Variants in ENOX1 observed in about 807,000 individuals in gnomAD.
The protein encoded by ENOX1 is candidate growth-related and time keeping constitutive hydroquinone (NADH) oxidase.
A neutral mutation model predicts 82.5 loss-of-function variants in ENOX1; 42 were observed. The ratio of observed to expected loss-of-function variants is 0.51; its 90% CI spans 0.40 to 0.66. The LOEUF (loss-of-function observed/expected upper bound fraction) is 0.66, where lower values mean the gene tolerates loss of function less well. ENOX1 is among the 30% of genes least tolerant of loss of function. The probability of loss-of-function intolerance (pLI) is 0.00; values close to 1 mark genes in which losing one functional copy is unlikely to be tolerated. For synonymous variants in ENOX1, 271 were observed against 282.2 expected (o/e 0.96, Z 0.40); for missense variants, 608 against 811.6 (o/e 0.75, Z 3.05).
At chr13:43,785,797 A>G (rs1478818291) in intron 1 of ENOX1, among the ~76,000 whole-genome samples, 3 of 152,098 alleles carry the variant, frequency 2.0e-5, no homozygotes, top group Admixed American at 2.0e-4. Flanking sequence ...CCTTCAGCCA[A>G]TCAGGACCCG....
intron 11 of ENOX1, among the ~76,000 whole-genome samples, chr13:43,311,671 A>T (rs1218565221): frequency 6.6e-6 from 1 of 152,206 alleles, no homozygotes. Flanking sequence ...CAGAGGAGAG[A>T]AGCAACCCTT....
intron 1 of ENOX1, among the ~76,000 whole-genome samples, chr13:43,694,019 T>A (rs188284934): frequency 6.6e-6 from 1 of 152,310 alleles, no homozygotes. Flanking sequence ...TATAGTGACC[T>A]TTTAATGTTT....
chr13:43,600,589 G>C (rs1338516016), intron 2 of ENOX1, among the ~76,000 whole-genome samples: 1 of 152,122 alleles, frequency 6.6e-6, no homozygotes, highest in Non-Finnish European at 1.5e-5. Flanking sequence ...CTCTAACCTG[G>C]GGGGGATCTT....
chr13:43,531,720 T>C (rs1180466629), intron 2 of ENOX1, among the ~76,000 whole-genome samples: 4 of 147,488 alleles, frequency 2.7e-5, no homozygotes, highest in Admixed American at 6.8e-5. Context: ...GTGGCACATA[T>C]ACACCATGGA....
At chr13:43,416,600 A>G (rs1344492752) in intron 3 of ENOX1, among the ~76,000 whole-genome samples, 6 of 146,216 alleles carry the variant, frequency 4.1e-5, no homozygotes, top group African/African-American at 7.8e-5. Flanking sequence ...GGCGCTCCTC[A>G]CTTCCTAGAC....
intron 1 of ENOX1, among the ~76,000 whole-genome samples, chr13:43,738,814 C>T (rs1182611571): frequency 2.0e-5 from 3 of 152,122 alleles, no homozygotes; most frequent in Admixed American, 2.0e-4. Flanking sequence ...GCACTCATCC[C>T]AATTAAAACT....
In ENOX1 at chr13:43,236,742, T is replaced by G. The variant is rs1037608097; in HGVS notation, c.1612-4A>C. 1 of 1,559,524 alleles carries G rather than the reference T, an allele frequency of 6.4e-7. No homozygotes were observed. On this transcript the variant is annotated splice_region_variant and splice_polypyrimidine_tract_variant and intron_variant, in intron 14 of 16. Coordinates refer to ENST00000690772, the MANE Select transcript of ENOX1 (RefSeq NM_001347969.2). ...CAACTGTCAACACATTGATTTCCTA[T>G]AAAGTTAAAAGCCAAAAACCATATA...
chr13:43,260,621 G>A (rs748513445), intron 14 of ENOX1, among the ~76,000 whole-genome samples: 73 of 152,120 alleles, frequency 4.8e-4, no homozygotes, highest in Non-Finnish European at 7.5e-4. Context: ...CATAGGTGGC[G>A]ATCCTGCTGG....
intron 1 of ENOX1, among the ~76,000 whole-genome samples, chr13:43,693,049 T>C (rs995839089): frequency 3.3e-5 from 5 of 152,114 alleles, no homozygotes; most frequent in Non-Finnish European, 7.4e-5. Flanking sequence ...AAAACTATAT[T>C]TGAAAACAAT....
chr13:43,744,481 G>A (rs1185691016), intron 1 of ENOX1, among the ~76,000 whole-genome samples: 1 of 152,110 alleles, frequency 6.6e-6, no homozygotes, highest in Non-Finnish European at 1.5e-5. Context: ...CTTTCCTCAG[G>A]CCTGGTGACA....
At chr13:43,718,082 A>G (rs929879171) in intron 1 of ENOX1, among the ~76,000 whole-genome samples, 1 of 152,256 alleles carries the variant, frequency 6.6e-6, no homozygotes, top group African/African-American at 2.4e-5. Flanking sequence ...ACATGTACTT[A>G]TTAGTTCATT....
intron 5 of ENOX1, among the ~76,000 whole-genome samples, chr13:43,389,425 G>C (rs2052629344): frequency 6.6e-6 from 1 of 152,082 alleles, no homozygotes; most frequent in Admixed American, 6.6e-5. Flanking sequence ...GTGTAAAATG[G>C]GTTTAAATTT....
At chr13:43,296,056 T>C (rs918628352) in intron 12 of ENOX1, among the ~76,000 whole-genome samples, 1 of 152,148 alleles carries the variant, frequency 6.6e-6, no homozygotes. Context: ...GGCACCATGC[T>C]AGGCTTGCCT....
At chr13:43,231,803 T>C (rs1037690397) in intron 15 of ENOX1, among the ~76,000 whole-genome samples, 4 of 152,370 alleles carry the variant, frequency 2.6e-5, no homozygotes, top group African/African-American at 7.2e-5. Flanking sequence ...GGGGAGATCA[T>C]CTTTCCACCA....
At chr13:43,365,459 C>T (rs1404223152) in intron 5 of ENOX1, among the ~76,000 whole-genome samples, 1 of 152,180 alleles carries the variant, frequency 6.6e-6, no homozygotes, top group Non-Finnish European at 1.5e-5. Context: ...AGTGGCTGAA[C>T]ACAGAGATTA....
chr13:43,616,204 ATTT>A (rs58543927), intron 2 of ENOX1, among the ~76,000 whole-genome samples: 1,825 of 15,226 alleles, frequency 0.12, 288 homozygotes, highest in East Asian at 0.44. Context: ...ATATATATAT[ATTT>A]TTTTTTTTTT....
chr13:43,412,762 A>G (rs1240268052), intron 4 of ENOX1, 83 bp downstream of exon 4: 10 of 1,554,696 alleles, frequency 6.4e-6, no homozygotes, highest in Non-Finnish European at 8.8e-6. Context: ...GGTTCAATGC[A>G]TATTTTTCAA....
rs147638147 is a variant in ENOX1, at chr13:43,466,997, C to T, written c.-75+17012G>A. ...AGGTTGAATAATATTCTGCTGCATGCGTATATCACATTTTGTTCATCCATT... is the reference window on the plus strand; with the variant it reads ...AGGTTGAATAATATTCTGCTGCATGTGTATATCACATTTTGTTCATCCATT... On this transcript the variant is annotated intron_variant, in intron 3 of 16. Transcript: ENST00000690772. Among the ~76,000 whole-genome samples, 188 of 152,218 alleles carry T rather than the reference C, an allele frequency of 1.2e-3. 1 individual carries two copies. In the East Asian group the frequency reaches 0.029, roughly 23 times the overall value.
chr13:43,526,260 A>G (rs2153685573), intron 2 of ENOX1, among the ~76,000 whole-genome samples: 1 of 152,286 alleles, frequency 6.6e-6, no homozygotes, highest in South Asian at 2.1e-4. Flanking sequence ...CTACAGCATT[A>G]GTGGAGAATT....
Sources: gnomAD v4.1 joint callset for allele counts (sites outside exome capture counted in the v4.1 genomes callset) on GRCh38, gnomAD v4.1.1 for gene constraint, MANE v1.5 for transcripts, NCBI Gene and HGNC (gene_info 2026-07-23, HGNC 2026-07-21) for gene names.